UNC13C: variants seen among roughly 807,000 people sequenced by gnomAD.
UNC13C encodes protein unc-13 homolog C.
UNC13C carries 174 observed loss-of-function variants against 245.4 expected under a neutral mutation model. The observed-to-expected ratio is 0.71, with a 90% confidence interval of 0.63 to 0.80. The LOEUF is 0.80. Ranked by LOEUF, UNC13C falls within the 30% of genes least tolerant of loss-of-function variation. The pLI is 0.00. For synonymous variants in UNC13C, 992 were observed against 895.1 expected, an observed-to-expected ratio of 1.11 and a Z score of -1.93; for missense variants, 2,829 against 2,602.9, an observed-to-expected ratio of 1.09 and a Z score of -1.89.
intron 24 of UNC13C, among the ~76,000 whole-genome samples, chr15:54,518,311 G>T (rs1895069325): frequency 6.6e-6 from 1 of 152,144 alleles, no homozygotes; most frequent in Non-Finnish European, 1.5e-5. Context: ...ATGTCAAAAT[G>T]AAATACAGAC....
chr15:54,114,696 C>T (rs75595915), intron 2 of UNC13C, among the ~76,000 whole-genome samples: 2,798 of 152,126 alleles, frequency 0.018, 68 homozygotes, highest in East Asian at 0.089. Context: ...GAGTTTATGT[C>T]GTGTACCTAG....
chr15:54,246,813 A>G (rs545353516), intron 7 of UNC13C, among the ~76,000 whole-genome samples: 39 of 152,218 alleles, frequency 2.6e-4, no homozygotes, highest in South Asian at 2.5e-3. Flanking sequence ...TGGGCTTAAT[A>G]CCTGGGTGGT....
intron 4 of UNC13C, among the ~76,000 whole-genome samples, chr15:54,178,755 GC>G (rs1555427473): frequency 6.6e-6 from 1 of 152,120 alleles, no homozygotes; most frequent in Non-Finnish European, 1.5e-5. Flanking sequence ...AATTCTGTTT[GC>G]CCCCTCACCT....
intron 19 of UNC13C, among the ~76,000 whole-genome samples, chr15:54,455,205 C>CTCTCTCTCTATATATATATA (rs1388065398): frequency 5.3e-5 from 1 of 18,946 alleles, no homozygotes; most frequent in Non-Finnish European, 9.2e-5. Context: ...CTCTCTCTCT[C>CTCTCTCTCTATATATATATA]TATATATATA....
chr15:54,382,537 G>A (rs754663440), intron 17 of UNC13C, among the ~76,000 whole-genome samples: 10 of 152,000 alleles, frequency 6.6e-5, no homozygotes, highest in East Asian at 1.9e-4. Flanking sequence ...ACATTGAGCC[G>A]TTGCCCTCCA....
chr15:54,354,222 G>A (rs1379110443), intron 17 of UNC13C, among the ~76,000 whole-genome samples: 3 of 152,046 alleles, frequency 2.0e-5, no homozygotes, highest in South Asian at 2.1e-4. Flanking sequence ...ATTGCTGTGA[G>A]GATTAAATGA....
Position 54,500,870 on chromosome 15 carries a change from C to T in UNC13C, c.5193C>T (p.Cys1731=). The T allele has an allele frequency of 6.2e-7, 1 of 1,612,964 alleles. No homozygotes were observed. Among genetic ancestry groups the T allele is most frequent in the South Asian group, 1.1e-5 (1 of 91,046 alleles). Residue 1731 remains cysteine, a synonymous_variant, in exon 22 of 33, where the codon TGC becomes TGT. Coordinates refer to ENST00000260323, the MANE Select transcript of UNC13C (RefSeq NM_001080534.3). ...QQTSEHALFS[C]SVVDVFAQLN... ...CATCTGAGCATGCTCTCTTTTCTTGCTCCGTGGTTGATGTCTTTGCTCAGC... is the reference window on the plus strand; with the variant it reads ...CATCTGAGCATGCTCTCTTTTCTTGTTCCGTGGTTGATGTCTTTGCTCAGC...
intron 17 of UNC13C, 121 bp from the exon 18 acceptor site, chr15:54,392,926 TC>T: frequency 8.5e-7 from 1 of 1,173,722 alleles, no homozygotes; most frequent in Non-Finnish European, 1.1e-6. Context: ...CAGCTTTGAC[TC>T]CCATAATCTA....
the UNC13C span, among the ~76,000 whole-genome samples, chr15:53,887,237 A>G: frequency 5.3e-5 from 8 of 152,268 alleles, no homozygotes; most frequent in South Asian, 1.5e-3. Flanking sequence ...TAAATCTAAA[A>G]CTGGTCTAAA....
intron 1 of UNC13C, among the ~76,000 whole-genome samples, chr15:53,982,398 G>A (rs1893962059): frequency 6.6e-6 from 1 of 151,812 alleles, no homozygotes; most frequent in South Asian, 2.1e-4. Flanking sequence ...AAAAGAAAAA[G>A]AGCAGTGATT....
chr15:54,553,003 T>TATTATATATTGTATTCTATATTAC (rs1896902113), intron 28 of UNC13C, among the ~76,000 whole-genome samples: 1 of 91,450 alleles, frequency 1.1e-5, no homozygotes, highest in Non-Finnish European at 2.0e-5. Context: ...TTACAATATA[T>TATTATATATTGTATTCTATATTAC]AATATATATT....
intron 19 of UNC13C, among the ~76,000 whole-genome samples, chr15:54,433,002 G>T (rs1422644835): frequency 6.6e-6 from 1 of 151,926 alleles, no homozygotes; most frequent in Non-Finnish European, 1.5e-5. Context: ...TAGAAGAAAT[G>T]GATAAATTCA....
intron 19 of UNC13C, among the ~76,000 whole-genome samples, chr15:54,432,177 A>G (rs1410155599): frequency 6.6e-6 from 1 of 151,628 alleles, no homozygotes; most frequent in Non-Finnish European, 1.5e-5. Context: ...ATAAAGACAT[A>G]GAATCTCTGC....
At chr15:54,161,776 C>A (rs1170042133) in intron 4 of UNC13C, among the ~76,000 whole-genome samples, 1 of 151,982 alleles carries the variant, frequency 6.6e-6, no homozygotes, top group Non-Finnish European at 1.5e-5. Context: ...CACAGAGAAA[C>A]CCTGTCTCTC....
At chr15:54,417,145 T>C (rs1369249895) in intron 19 of UNC13C, 1 of 355,252 alleles carries the variant, frequency 2.8e-6, no homozygotes, top group Non-Finnish European at 5.6e-6. Context: ...GTAATTTTTT[T>C]GTCTATGACT....
At chr15:53,874,518 G>C in the UNC13C span, among the ~76,000 whole-genome samples, 1 of 152,150 alleles carries the variant, frequency 6.6e-6, no homozygotes, top group African/African-American at 2.4e-5. Context: ...TTGGGCTTTA[G>C]AGATTATCCA....
intron 8 of UNC13C, among the ~76,000 whole-genome samples, chr15:54,256,298 G>C (rs954628937): frequency 1.3e-5 from 2 of 152,110 alleles, no homozygotes; most frequent in Non-Finnish European, 2.9e-5. Flanking sequence ...AGAAAACAGA[G>C]GTGTACTCTG....
chr15:54,424,422 A>G (rs2040716310), intron 19 of UNC13C, among the ~76,000 whole-genome samples: 1 of 151,722 alleles, frequency 6.6e-6, no homozygotes, highest in Non-Finnish European at 1.5e-5. Flanking sequence ...TTTTATTTGG[A>G]AACCTTCCAG....
At chr15:54,316,425 G>A (rs1282009545) in intron 13 of UNC13C, among the ~76,000 whole-genome samples, 1 of 151,680 alleles carries the variant, frequency 6.6e-6, no homozygotes, top group East Asian at 1.9e-4. Context: ...CTATCTCTTA[G>A]TCATTCATTG....
Sources: allele counts gnomAD v4.1 joint callset (sites outside exome capture counted in the v4.1 genomes callset), GRCh38; gene constraint gnomAD v4.1.1; transcripts MANE v1.5; gene names NCBI Gene and HGNC (gene_info 2026-07-23, HGNC 2026-07-21).